ARNT: variants seen among roughly 807,000 people sequenced by gnomAD.
The protein encoded by ARNT is class E basic helix-loop-helix protein 2.
ARNT carries 30 observed loss-of-function variants against 105.0 expected under a neutral mutation model. The observed-to-expected ratio is 0.29, with a 90% CI of 0.21 to 0.39. The LOEUF (loss-of-function observed/expected upper bound fraction) is 0.39, where lower values mean the gene tolerates loss of function less well. Ranked by LOEUF, ARNT falls within the 10% of genes least tolerant of loss-of-function variation. The probability of loss-of-function intolerance (pLI) is 1.00; values close to 1 mark genes in which losing one functional copy is unlikely to be tolerated. For missense variants in ARNT, 748 were observed against 978.7 expected (o/e 0.76, Z 3.15); for synonymous variants, 304 against 344.0 (o/e 0.88, Z 1.29).
chr1:150,818,903 A>C (rs999531856), intron 14 of ARNT, among the ~76,000 whole-genome samples: 3 of 152,208 alleles, frequency 2.0e-5, no homozygotes, highest in African/African-American at 7.2e-5. Flanking sequence ...ATGGAAACAC[A>C]AAAATGAAGG....
intron 6 of ARNT, 27 bp downstream of exon 6, chr1:150,839,414 T>C (rs770026934): frequency 2.3e-5 from 37 of 1,608,868 alleles, no homozygotes; most frequent in Non-Finnish European, 2.7e-5. Flanking sequence ...GATTCCAGAC[T>C]CTCTCAGAAC....
rs587721229 is a variant in ARNT, at chr1:150,851,178, C to G, written c.182+1584G>C. ...GGGCAGCCCCCGCCTGGCCAGCCAC[C>G]CCGTCCAGGAGAGAGGCGGGGGCCA... is the stretch of plus-strand genomic sequence containing the variant. On this transcript the variant is annotated intron_variant, in intron 3 of 21. Coordinates refer to ENST00000358595, the MANE Select transcript of ARNT (RefSeq NM_001668.4). Among the ~76,000 whole-genome samples the G allele has an allele frequency of 1.8e-4, 27 of 150,628 alleles. No individual in the cohort carries two copies. In the South Asian group the frequency reaches 5.7e-3, roughly 32 times the overall value.
At position 150,836,402 on chromosome 1, in the gene ARNT, AC is replaced by A. The variant is rs1660327868; in HGVS notation, c.577del (p.Val193Ter). 1 of 1,614,066 alleles carries A rather than the reference AC, an allele frequency of 6.2e-7. No individual in the cohort carries two copies. On this transcript the variant is annotated frameshift_variant, in exon 7 of 22. Coordinates refer to ENST00000358595, the MANE Select transcript of ARNT (RefSeq NM_001668.4). LOFTEE classifies it high-confidence loss of function. ...CTGTGGCTGGTTCAAAACAGGAGTC[AC>A]GGAGTCAGACACATACACCACCCTG... is the stretch of plus-strand genomic sequence containing the variant. ...TGRVVYVSDS[V>X]TPVLNQPQSE...
rs1191288320 is a variant in ARNT, at chr1:150,826,483, A to C, written c.1242+60T>G. 3 of 1,361,804 alleles carry C rather than the reference A, an allele frequency of 2.2e-6. No individual in the cohort carries two copies. The African/African-American group carries it at 4.3e-5, about 20-fold the overall frequency. The allele number at this position is 1,361,804 out of a possible 1,614,324, so 84.4% of individuals were successfully genotyped here. On this transcript the variant is annotated intron_variant, in intron 13 of 21. Coordinates refer to ENST00000358595, the MANE Select transcript of ARNT (RefSeq NM_001668.4). The stretch of plus-strand genomic sequence containing the variant: ...CACAGTGTTCAGTTAATCAGTAGTC[A>C]ATATTTATGGAGTGAATATGACAAA...
chr1:150,867,446 T>C (rs1458020599), intron 1 of ARNT, among the ~76,000 whole-genome samples: 1 of 150,200 alleles, frequency 6.7e-6, no homozygotes, highest in Non-Finnish European at 1.5e-5. Context: ...GCTACTCAGG[T>C]TGCTGAAGTG....
intron 1 of ARNT, among the ~76,000 whole-genome samples, chr1:150,870,572 A>G (rs928052588): frequency 6.6e-6 from 1 of 152,052 alleles, no homozygotes; most frequent in African/African-American, 2.4e-5. Context: ...CAGTGGCACA[A>G]TCATGGCTCA....
chr1:150,850,927 G>A (rs587669916), intron 3 of ARNT, among the ~76,000 whole-genome samples: 1 of 149,638 alleles, frequency 6.7e-6, no homozygotes, highest in African/African-American at 2.5e-5. Context: ...GCCTCTGCCC[G>A]GCCACGACCC....
intron 1 of ARNT, among the ~76,000 whole-genome samples, chr1:150,867,391 C>T (rs947038776): frequency 6.6e-6 from 1 of 151,036 alleles, no homozygotes; most frequent in African/African-American, 2.4e-5. Flanking sequence ...AAAAACTATT[C>T]AAACAGAGAT....
intron 3 of ARNT, among the ~76,000 whole-genome samples, 195 bp downstream of exon 3, chr1:150,852,567 C>G (rs938491814): frequency 6.6e-6 from 1 of 152,090 alleles, no homozygotes; most frequent in Non-Finnish European, 1.5e-5. Flanking sequence ...AAATGCCGTC[C>G]TCTCCTCACT....
At chr1:150,842,233 C>T in intron 5 of ARNT, 191 bp downstream of exon 5, 1 of 984,518 alleles carries the variant, frequency 1.0e-6, no homozygotes, top group East Asian at 1.1e-4. Flanking sequence ...GCAAAGTTCC[C>T]TCAACTCACC....
intron 13 of ARNT, among the ~76,000 whole-genome samples, chr1:150,823,552 CTT>C (rs34223160): frequency 5.9e-4 from 78 of 132,790 alleles, no homozygotes; most frequent in Admixed American, 7.5e-4. Context: ...GAGACTTAAG[CTT>C]TTTTTTTTTT....
chr1:150,863,182 C>G (rs1272627972), intron 1 of ARNT, among the ~76,000 whole-genome samples: 2 of 150,722 alleles, frequency 1.3e-5, no homozygotes, highest in African/African-American at 4.9e-5. Flanking sequence ...ACCAACACGG[C>G]AAAATCCCGT....
rs185575642 is a variant in ARNT, at chr1:150,850,706, C to T, written c.182+2056G>A. Among the ~76,000 whole-genome samples, 256 of 152,332 alleles carry T rather than the reference C, an allele frequency of 1.7e-3. 2 individuals are homozygous for T. Among genetic ancestry groups the T allele is most frequent in the African/African-American group, 5.8e-3 (240 of 41,588 alleles). On this transcript the variant is annotated intron_variant, in intron 3 of 21. Coordinates refer to ENST00000358595, the MANE Select transcript of ARNT (RefSeq NM_001668.4). ...TGCAGCCTCTGCCTGGCCGCCACCC[C>T]GTCTGGGAAGTGAGGAGCATCTCTG...
chr1:150,844,724 A>G (rs1337004612), intron 4 of ARNT, among the ~76,000 whole-genome samples: 1 of 152,196 alleles, frequency 6.6e-6, no homozygotes, highest in Non-Finnish European at 1.5e-5. Context: ...AAAAAAAAGT[A>G]TATTTCATCA....
chr1:150,863,046 G>A (rs763137274), intron 1 of ARNT, among the ~76,000 whole-genome samples: 6 of 133,390 alleles, frequency 4.5e-5, no homozygotes, highest in East Asian at 2.2e-4. Flanking sequence ...GCAAGATTCC[G>A]TCTCAAAAAA....
intron 19 of ARNT, among the ~76,000 whole-genome samples, chr1:150,814,800 G>A (rs1460227468): frequency 1.3e-5 from 2 of 152,020 alleles, no homozygotes; most frequent in Non-Finnish European, 2.9e-5. Flanking sequence ...CCAAGATCGC[G>A]CCACTGCACT....
chr1:150,812,432 C>G (rs1376976305), intron 21 of ARNT, among the ~76,000 whole-genome samples: 1 of 152,152 alleles, frequency 6.6e-6, no homozygotes, highest in Admixed American at 6.5e-5. Context: ...TGTTTTCCAC[C>G]AAGACCTGTT....
chr1:150,872,123 A>T (rs1056420921), intron 1 of ARNT, among the ~76,000 whole-genome samples: 5 of 151,608 alleles, frequency 3.3e-5, no homozygotes, highest in Admixed American at 1.3e-4. Context: ...TGCCCGGAAA[A>T]TTTTTTGTAT....
chr1:150,857,212 T>C (rs1664785222), intron 2 of ARNT, among the ~76,000 whole-genome samples: 1 of 152,096 alleles, frequency 6.6e-6, no homozygotes, highest in Non-Finnish European at 1.5e-5. Context: ...CACTGAAACA[T>C]ATTTGTCGCT....
Sources: allele counts gnomAD v4.1 joint callset (sites outside exome capture counted in the v4.1 genomes callset), GRCh38; gene constraint gnomAD v4.1.1; transcripts MANE v1.5; gene names NCBI Gene and HGNC (gene_info 2026-07-23, HGNC 2026-07-21).